UBAP2L: variants seen among roughly 807,000 people sequenced by gnomAD.
UBAP2L encodes ubiquitin associated protein 2 like, also known as ubiquitin-associated protein 2-like.
UBAP2L carries 12 observed loss-of-function variants against 130.6 expected under a neutral mutation model. That is an observed-to-expected ratio of 0.09 (90% CI 0.06 to 0.15). The LOEUF is 0.15. Among genes scored for constraint, UBAP2L ranks in the 10% least tolerant of loss-of-function variants. The pLI is 1.00. For synonymous variants in UBAP2L, 503 were observed against 524.7 expected, an observed-to-expected ratio of 0.96 and a Z score of 0.57; for missense variants, 965 against 1,332.5, an observed-to-expected ratio of 0.72 and a Z score of 4.29.
intron 23 of UBAP2L, 51 bp from the exon 24 acceptor site, chr1:154,261,541 G>A: frequency 1.3e-6 from 2 of 1,561,132 alleles, no homozygotes; most frequent in Non-Finnish European, 1.8e-6. Context: ...AAGTGGGACA[G>A]ATGGTATTCT....
chr1:154,254,764 A>G (rs1679047355), intron 15 of UBAP2L, 72 bp from the exon 16 acceptor site: 25 of 1,483,200 alleles, frequency 1.7e-5, no homozygotes, highest in Non-Finnish European at 2.3e-5. Context: ...ATAAAGCTGC[A>G]TCAGTGCTAA....
At chr1:154,266,224 C>T (rs923545373) in intron 24 of UBAP2L, among the ~76,000 whole-genome samples, 4 of 152,124 alleles carry the variant, frequency 2.6e-5, no homozygotes, top group Non-Finnish European at 5.9e-5. Flanking sequence ...ACAGTGTATG[C>T]TAGTGAGGTT....
intron 3 of UBAP2L, among the ~76,000 whole-genome samples, chr1:154,227,874 T>A (rs1668509046): frequency 6.6e-6 from 1 of 152,116 alleles, no homozygotes; most frequent in South Asian, 2.1e-4. Context: ...ATAGATACTT[T>A]GTTTGGAAAT....
At chr1:154,234,260 G>A (rs758708792) in intron 4 of UBAP2L, among the ~76,000 whole-genome samples, 1 of 152,120 alleles carries the variant, frequency 6.6e-6, no homozygotes, top group Non-Finnish European at 1.5e-5. Context: ...CTACTTGAGA[G>A]ACTGAGGCAC....
intron 8 of UBAP2L, among the ~76,000 whole-genome samples, chr1:154,237,842 T>C (rs140999058): frequency 6.6e-6 from 1 of 152,324 alleles, no homozygotes; most frequent in African/African-American, 2.4e-5. Context: ...TTTAAGGATA[T>C]GTTAAGCTGT....
chr1:154,223,396 G>A (rs187217963), intron 1 of UBAP2L, among the ~76,000 whole-genome samples: 48 of 152,240 alleles, frequency 3.2e-4, no homozygotes, highest in South Asian at 6.2e-4. Flanking sequence ...AAATGACTAT[G>A]CCATATTAGA....
intron 11 of UBAP2L, among the ~76,000 whole-genome samples, chr1:154,248,659 A>G (rs76823299): frequency 1.3e-5 from 2 of 152,126 alleles, no homozygotes; most frequent in Non-Finnish European, 2.9e-5. Flanking sequence ...TACTAAAAAT[A>G]CAAAAAATTA....
intron 20 of UBAP2L, 113 bp from the exon 21 acceptor site, chr1:154,258,864 G>T (rs1268386533): frequency 3.5e-6 from 3 of 850,654 alleles, no homozygotes; most frequent in Non-Finnish European, 3.9e-6. Flanking sequence ...TCCGTGTCCT[G>T]TTCTAACCCA....
chr1:154,270,509 TC>T lies in UBAP2L; in HGVS notation c.*219del, dbSNP rs1684520286. ...AGGATTTGTATTTTCTCCTTTTTTT[TC>T]CCCCTTCCATTCCTTCTCCCCTCTT... is the stretch of plus-strand genomic sequence containing the variant. On this transcript the variant is annotated 3_prime_UTR_variant, in exon 27 of 27. Coordinates refer to ENST00000428931, the MANE Select transcript of UBAP2L (RefSeq NM_014847.4). 2 of 1,451,740 alleles carry T rather than the reference TC, an allele frequency of 1.4e-6. No individual in the cohort carries two copies. Among genetic ancestry groups the T allele is most frequent in the Non-Finnish European group, 1.8e-6 (2 of 1,106,934 alleles). The allele number at this position is 1,451,740 out of a possible 1,614,324, so 89.9% of individuals were successfully genotyped here.
intron 12 of UBAP2L, among the ~76,000 whole-genome samples, chr1:154,250,072 T>C (rs115062605): frequency 0.029 from 4,379 of 152,180 alleles, 205 homozygotes; most frequent in African/African-American, 0.098. Context: ...CTTGCGACTT[T>C]ATGCGAAACA....
chr1:154,228,756 G>T (rs1668810433), intron 4 of UBAP2L, 31 bp downstream of exon 4: 1 of 1,531,216 alleles, frequency 6.5e-7, no homozygotes, highest in Non-Finnish European at 8.9e-7. Flanking sequence ...TCTAGGACAT[G>T]GGTCCTCAAT....
intron 8 of UBAP2L, 125 bp from the exon 9 acceptor site, chr1:154,241,388 T>C: frequency 1.2e-6 from 1 of 844,464 alleles, no homozygotes; most frequent in Admixed American, 2.2e-5. Context: ...ACACCTGGCC[T>C]TCTGATTACT....
intron 12 of UBAP2L, among the ~76,000 whole-genome samples, chr1:154,250,828 C>A (rs1274760319): frequency 7.0e-5 from 9 of 127,976 alleles, no homozygotes; most frequent in East Asian, 2.3e-4. Flanking sequence ...GCCTGGGTGA[C>A]AGAGCAAGAC....
chr1:154,270,630 A>AC lies in UBAP2L; in HGVS notation c.*340dup. 2.1e-6 allele frequency: 3 copies of AC among 1,408,168 alleles called. No homozygotes were observed. Among genetic ancestry groups the AC allele is most frequent in the Non-Finnish European group, 2.8e-6 (3 of 1,086,952 alleles). 87.2% of individuals were successfully genotyped at this position (1,408,168 alleles called of 1,614,324 possible). A position where few individuals can be genotyped will look rare whatever the true frequency, so the allele number is the denominator to read the frequency against. On this transcript the variant is annotated 3_prime_UTR_variant, in exon 27 of 27. Coordinates refer to ENST00000428931, the MANE Select transcript of UBAP2L (RefSeq NM_014847.4). ...TGTACGGATGAGGCGGGGAGGTGGGACCCCCAAACATATATCAGCCCAACA... is the reference window on the plus strand; with the variant it reads ...TGTACGGATGAGGCGGGGAGGTGGGACCCCCCAAACATATATCAGCCCAACA...
intron 8 of UBAP2L, among the ~76,000 whole-genome samples, chr1:154,238,031 A>G (rs977319525): frequency 6.6e-6 from 1 of 152,116 alleles, no homozygotes; most frequent in African/African-American, 2.4e-5. Context: ...TAGGGCCTGA[A>G]ATGTTTGACT....
chr1:154,250,741 C>G (rs998994762), intron 12 of UBAP2L, among the ~76,000 whole-genome samples: 1 of 151,184 alleles, frequency 6.6e-6, no homozygotes, highest in African/African-American at 2.4e-5. Context: ...GTAGTCCCAG[C>G]TACTCTGAGG....
chr1:154,255,414 AC>A, intron 17 of UBAP2L, 88 bp downstream of exon 17: 1 of 1,510,764 alleles, frequency 6.6e-7, no homozygotes, highest in Non-Finnish European at 9.0e-7. Context: ...CCTGGCAGAG[AC>A]CACATTAGCC....
chr1:154,246,035 T>G lies in UBAP2L; in HGVS notation c.843-169T>G, dbSNP rs888483857. Among the ~76,000 whole-genome samples the G allele has an allele frequency of 2.0e-5, 3 of 151,946 alleles. No homozygotes were observed. The East Asian group carries it at 5.8e-4, about 29-fold the overall frequency. ...TTCAGCTATATACTGTAGTGACTCTTATGCATCAGTTATTTTGGGACATTT... is the reference window on the plus strand; with the variant it reads ...TTCAGCTATATACTGTAGTGACTCTGATGCATCAGTTATTTTGGGACATTT... On this transcript the variant is annotated intron_variant, in intron 10 of 26. Coordinates refer to ENST00000428931, the MANE Select transcript of UBAP2L (RefSeq NM_014847.4).
intron 26 of UBAP2L, chr1:154,269,535 C>T: frequency 1.4e-6 from 1 of 707,744 alleles, no homozygotes; most frequent in Non-Finnish European, 2.1e-6. Context: ...AACACAAACA[C>T]CTTGCTGAGC....
Sources: allele counts gnomAD v4.1 joint callset (sites outside exome capture counted in the v4.1 genomes callset), GRCh38; gene constraint gnomAD v4.1.1; transcripts MANE v1.5; gene names NCBI Gene and HGNC (gene_info 2026-07-23, HGNC 2026-07-21).